The following MCPH1 variants were observed in gnomAD, a reference collection of about 807,000 sequenced individuals.
MCPH1 encodes microcephalin 1, also known as microcephalin.
In MCPH1, 104 loss-of-function variants were observed where a neutral mutation model predicts 84.5. The ratio of observed to expected loss-of-function variants is 1.23; its 90% CI spans 1.05 to 1.45. The LOEUF is 1.45. MCPH1 is among the 40% of genes most tolerant of loss of function. The probability of loss-of-function intolerance (pLI) is 0.00; values close to 1 mark genes in which losing one functional copy is unlikely to be tolerated. For synonymous variants in MCPH1, 514 were observed against 366.8 expected (o/e 1.40, Z -4.58); for missense variants, 1,498 against 1,005.7 (o/e 1.49, Z -6.62).
At chr8:6,458,495 A>T (rs569866346) in intron 9 of MCPH1, among the ~76,000 whole-genome samples, 11 of 152,004 alleles carry the variant, frequency 7.2e-5, no homozygotes, top group Admixed American at 7.2e-4. Flanking sequence ...AAGAAAAAAA[A>T]AAATTCCTGA....
intron 12 of MCPH1, among the ~76,000 whole-genome samples, chr8:6,608,314 G>A (rs944378341): frequency 5.3e-5 from 8 of 152,226 alleles, no homozygotes; most frequent in African/African-American, 1.4e-4. Flanking sequence ...AAAGGCAGAC[G>A]TCGGCCTAAA....
intron 12 of MCPH1, among the ~76,000 whole-genome samples, chr8:6,505,056 AAATT>A (rs1204284308): frequency 6.6e-6 from 1 of 151,444 alleles, no homozygotes; most frequent in East Asian, 1.9e-4. Context: ...ATATGTAGGA[AAATT>A]AATAAATAAA....
At chr8:6,525,726 A>C (rs1362112817) in intron 12 of MCPH1, among the ~76,000 whole-genome samples, 1 of 151,858 alleles carries the variant, frequency 6.6e-6, no homozygotes, top group Non-Finnish European at 1.5e-5. Flanking sequence ...CATCAACACT[A>C]TTTTCTTTTT....
intron 3 of MCPH1, among the ~76,000 whole-genome samples, chr8:6,422,542 C>T (rs1469113946): frequency 6.6e-6 from 1 of 152,190 alleles, no homozygotes; most frequent in African/African-American, 2.4e-5. Context: ...GTTAGGGATT[C>T]TTACTCTGCT....
chr8:6,496,890 C>G (rs867608357), intron 11 of MCPH1, among the ~76,000 whole-genome samples: 1 of 152,154 alleles, frequency 6.6e-6, no homozygotes, highest in Non-Finnish European at 1.5e-5. Context: ...ACCCCACCCC[C>G]AGTTTTCTCT....
chr8:6,427,484 G>A (rs1434687891), intron 3 of MCPH1, among the ~76,000 whole-genome samples: 1 of 152,100 alleles, frequency 6.6e-6, no homozygotes, highest in Non-Finnish European at 1.5e-5. Flanking sequence ...CAATCCTCCT[G>A]CCTCAGCTTC....
intron 12 of MCPH1, among the ~76,000 whole-genome samples, chr8:6,573,781 A>G (rs2129576599): frequency 6.6e-6 from 1 of 152,080 alleles, no homozygotes; most frequent in South Asian, 2.1e-4. Flanking sequence ...ACAAGAAAAC[A>G]TGCCTGGATG....
intron 4 of MCPH1, among the ~76,000 whole-genome samples, chr8:6,433,333 C>G (rs1802114605): frequency 1.3e-5 from 2 of 152,070 alleles, no homozygotes; most frequent in African/African-American, 4.8e-5. Context: ...CAATCATATA[C>G]AAGATGACCT....
chr8:6,507,228 C>G (rs957905200), intron 12 of MCPH1, among the ~76,000 whole-genome samples: 5 of 152,112 alleles, frequency 3.3e-5, no homozygotes, highest in Non-Finnish European at 7.4e-5. Context: ...GTAAATGCAT[C>G]ATAACTTGGG....
chr8:6,413,753 CTT>C (rs1164464040), intron 2 of MCPH1, among the ~76,000 whole-genome samples: 2 of 144,868 alleles, frequency 1.4e-5, no homozygotes. Context: ...AATACAGTAT[CTT>C]TTTTTTTTTT....
intron 3 of MCPH1, among the ~76,000 whole-genome samples, chr8:6,425,502 A>T (rs1585676369): frequency 6.6e-6 from 1 of 152,190 alleles, no homozygotes; most frequent in Non-Finnish European, 1.5e-5. Flanking sequence ...TTACTTCTTC[A>T]TAGTGAGTGA....
chr8:6,550,007 ATT>A (rs1823335588), intron 12 of MCPH1, among the ~76,000 whole-genome samples: 5 of 152,234 alleles, frequency 3.3e-5, no homozygotes, highest in Admixed American at 3.3e-4. Context: ...CCAGGTGATC[ATT>A]CGGGGACGGG....
chr8:6,609,466 A>G (rs1000657899), intron 12 of MCPH1, among the ~76,000 whole-genome samples: 8 of 152,370 alleles, frequency 5.3e-5, no homozygotes, highest in African/African-American at 1.9e-4. Flanking sequence ...TAAAAGAAAA[A>G]AACCTCAAAT....
intron 9 of MCPH1, 109 bp from the exon 10 acceptor site, chr8:6,477,485 T>A: frequency 3.0e-6 from 3 of 985,366 alleles, no homozygotes; most frequent in Non-Finnish European, 1.6e-6. Flanking sequence ...TAAATGTTTA[T>A]TTTTAAGTGA....
At chr8:6,576,047 TTAA>T (rs368858822) in intron 12 of MCPH1, among the ~76,000 whole-genome samples, 31,499 of 138,326 alleles carry the variant, frequency 0.23, 4,836 homozygotes, top group African/African-American at 0.43. Context: ...TAATACAGCC[TTAA>T]AAAAAAAAAA....
intron 12 of MCPH1, among the ~76,000 whole-genome samples, chr8:6,595,932 T>C (rs1401202061): frequency 6.6e-5 from 10 of 152,282 alleles, no homozygotes; most frequent in Middle Eastern, 3.4e-3. Context: ...AGACGATTAA[T>C]CCCCAAAAAG....
At chr8:6,482,988 T>C (rs1809425893) in intron 11 of MCPH1, among the ~76,000 whole-genome samples, 1 of 152,160 alleles carries the variant, frequency 6.6e-6, no homozygotes, top group African/African-American at 2.4e-5. Flanking sequence ...GTTATCTCTA[T>C]TTATAAACCA....
intron 3 of MCPH1, among the ~76,000 whole-genome samples, chr8:6,422,974 C>A (rs1398313918): frequency 1.3e-5 from 2 of 151,372 alleles, no homozygotes; most frequent in East Asian, 3.9e-4. Context: ...AGGCGTGAGC[C>A]ACTGTGCCCG....
At chr8:6,551,416 C>G (rs151034683) in intron 12 of MCPH1, among the ~76,000 whole-genome samples, 349 of 152,228 alleles carry the variant, frequency 2.3e-3, no homozygotes, top group African/African-American at 8.0e-3. Context: ...TAAAAGTTGT[C>G]CAATTAAAGG....
Sources: allele counts gnomAD v4.1 joint callset (sites outside exome capture counted in the v4.1 genomes callset), GRCh38; gene constraint gnomAD v4.1.1; transcripts MANE v1.5; gene names NCBI Gene and HGNC (gene_info 2026-07-23, HGNC 2026-07-21).